BAZ1A: variants seen among roughly 807,000 people sequenced by gnomAD.
BAZ1A encodes the protein bromodomain adjacent to zinc finger domain protein 1A.
In BAZ1A, 50 loss-of-function variants were observed where a neutral mutation model predicts 185.2. The observed-to-expected ratio is 0.27, with a 90% confidence interval of 0.22 to 0.34. The LOEUF is 0.34. Ranked by LOEUF, BAZ1A falls within the 10% of genes least tolerant of loss-of-function variation. The probability of loss-of-function intolerance (pLI) is 1.00; values close to 1 mark genes in which losing one functional copy is unlikely to be tolerated. For synonymous variants in BAZ1A, 571 were observed against 615.6 expected (o/e 0.93, Z 1.07); for missense variants, 1,356 against 1,839.9 (o/e 0.74, Z 4.81).
intron 20 of BAZ1A, 73 bp downstream of exon 20, chr14:34,773,499 A>G: frequency 7.6e-7 from 1 of 1,309,102 alleles, no homozygotes; most frequent in Non-Finnish European, 1.0e-6. Context: ...ATTTACTTAA[A>G]AACCAAAAAA....
At chr14:34,783,368 C>G (rs1594833730) in intron 15 of BAZ1A, 136 bp from the exon 16 acceptor site, 3 of 369,564 alleles carry the variant, frequency 8.1e-6, no homozygotes, top group Admixed American at 5.4e-5. Context: ...CATTCATAAG[C>G]TTTTTTTTTT....
rs2043003487 is a variant in BAZ1A at position 34,874,250 on chromosome 14, G to A, written c.113+242C>T. On this transcript the variant is annotated intron_variant, in intron 2 of 26. Coordinates refer to ENST00000360310, the MANE Select transcript of BAZ1A (RefSeq NM_013448.3). The surrounding 1 kb of genome is among the most constrained non-coding windows in gnomAD (Gnocchi z 4.7). Reference sequence around the variant, plus strand: ...GCGGCTAGGAGCGGTCCCCGAGGCCGGCCAGGGACCCAGCCTCCTCCGCCA... The same window carrying A: ...GCGGCTAGGAGCGGTCCCCGAGGCCAGCCAGGGACCCAGCCTCCTCCGCCA... 7.3e-6 allele frequency: 3 copies of A among 410,884 alleles called. No homozygotes were observed. The highest frequency in any genetic ancestry group is 1.3e-5 in the Non-Finnish European group (3 of 228,808). 25.5% of individuals were successfully genotyped at this position (410,884 alleles called of 1,614,324 possible).
At chr14:34,826,893 G>A (rs1479751935) in intron 3 of BAZ1A, among the ~76,000 whole-genome samples, 1 of 152,124 alleles carries the variant, frequency 6.6e-6, no homozygotes, top group Non-Finnish European at 1.5e-5. Context: ...ATGGGAGCAG[G>A]CACCATCCAA....
chr14:34,776,080 C>T lies in BAZ1A; in HGVS notation c.2672G>A (p.Arg891Gln), dbSNP rs1349411077. The change falls in exon 18 of 27, where the codon CGG (arginine) becomes CAG (glutamine). Residue 891 changes from arginine (R) to glutamine (Q), a missense_variant. Arg to Gln is a conservative substitution (Grantham distance 43). Coordinates refer to ENST00000360310, the MANE Select transcript of BAZ1A (RefSeq NM_013448.3). ...QLPKPVHKPN[R>Q]WCFYSSCEQL... Reference sequence around the variant, plus strand: ...TTCACAAGAACTGTAAAAGCACCACCGATTTGGCTTATGCACTGGTTTTGG... The same window carrying T: ...TTCACAAGAACTGTAAAAGCACCACTGATTTGGCTTATGCACTGGTTTTGG... 3 of 1,614,042 alleles carry T rather than the reference C, an allele frequency of 1.9e-6. No homozygotes were observed. Among genetic ancestry groups the T allele is most frequent in the Middle Eastern group, 1.6e-4 (1 of 6,084 alleles).
intron 5 of BAZ1A, among the ~76,000 whole-genome samples, chr14:34,809,696 A>G (rs1431556310): frequency 6.6e-6 from 1 of 152,314 alleles, no homozygotes; most frequent in South Asian, 2.1e-4. Flanking sequence ...AAATGAGCTA[A>G]CCAAGGCTGT....
At chr14:34,846,124 A>G (rs2042508829) in intron 3 of BAZ1A, among the ~76,000 whole-genome samples, 1 of 152,138 alleles carries the variant, frequency 6.6e-6, no homozygotes, top group Non-Finnish European at 1.5e-5. Flanking sequence ...AGAACTTCAG[A>G]ACCATTACTA....
At chr14:34,839,147 A>G (rs2042373362) in intron 3 of BAZ1A, among the ~76,000 whole-genome samples, 1 of 152,210 alleles carries the variant, frequency 6.6e-6, no homozygotes, top group Non-Finnish European at 1.5e-5. Flanking sequence ...GTCAAAGGCT[A>G]GAAGGTGAAG....
At chr14:34,787,869 A>G (rs1345741185) in intron 12 of BAZ1A, among the ~76,000 whole-genome samples, 1 of 152,240 alleles carries the variant, frequency 6.6e-6, no homozygotes, top group Admixed American at 6.5e-5. Flanking sequence ...TAGATTGATC[A>G]AAATGTCAAG....
At position 34,874,741 on chromosome 14, in the gene BAZ1A, A is replaced by C; in HGVS notation, c.-58-79T>G. The C allele has an allele frequency of 1.6e-6, 1 of 627,396 alleles. No homozygotes were observed. Among genetic ancestry groups the C allele is most frequent in the Non-Finnish European group, 2.6e-6 (1 of 381,190 alleles). 38.9% of individuals were successfully genotyped at this position (627,396 alleles called of 1,614,324 possible). A position where few individuals can be genotyped will look rare whatever the true frequency, so the allele number is the denominator to read the frequency against. On this transcript the variant is annotated intron_variant, in intron 1 of 26. Transcript: ENST00000360310. This position sits in a 1 kb window ranked among gnomAD's most constrained non-coding sequence, Gnocchi z 4.7. ...AGCGTGGGCCGGTCCGCGCGCTGGGAGAAGCTCGGCTGCCTTTTGTGTGAC... is the reference window on the plus strand; with the variant it reads ...AGCGTGGGCCGGTCCGCGCGCTGGGCGAAGCTCGGCTGCCTTTTGTGTGAC...
intron 10 of BAZ1A, 79 bp from the exon 11 acceptor site, chr14:34,794,966 CCTAA>C (rs2138640164): frequency 2.0e-6 from 3 of 1,536,362 alleles, no homozygotes; most frequent in East Asian, 2.3e-5. Context: ...ATACTTTTTA[CCTAA>C]CTATTAAGAA....
chr14:34,757,361 ATC>A (rs1341538818), intron 25 of BAZ1A, among the ~76,000 whole-genome samples: 1 of 72,198 alleles, frequency 1.4e-5, no homozygotes, highest in East Asian at 6.4e-4. Context: ...GCAAGACTCC[ATC>A]TCAAAAAAAA....
chr14:34,796,995 A>G (rs903954087), intron 9 of BAZ1A, among the ~76,000 whole-genome samples: 1 of 152,210 alleles, frequency 6.6e-6, no homozygotes, highest in African/African-American at 2.4e-5. Flanking sequence ...TTAATCTTTG[A>G]TTTATTCTAC....
chr14:34,763,629 A>C (rs1461767484), intron 23 of BAZ1A, among the ~76,000 whole-genome samples: 1 of 152,128 alleles, frequency 6.6e-6, no homozygotes, highest in Non-Finnish European at 1.5e-5. Flanking sequence ...TTTTTAAACA[A>C]ACTGAAGGTT....
intron 11 of BAZ1A, among the ~76,000 whole-genome samples, chr14:34,794,284 A>G (rs528383370): frequency 6.6e-6 from 1 of 152,198 alleles, no homozygotes; most frequent in African/African-American, 2.4e-5. Flanking sequence ...ATACAAAGTA[A>G]AAGTATATAA....
chr14:34,844,577 G>A (rs903995210), intron 3 of BAZ1A, among the ~76,000 whole-genome samples: 1 of 151,192 alleles, frequency 6.6e-6, no homozygotes, highest in African/African-American at 2.4e-5. Context: ...AGGAGTTTGA[G>A]ACCAGCCTGG....
chr14:34,818,949 G>A (rs900409426), intron 4 of BAZ1A, among the ~76,000 whole-genome samples: 1 of 151,844 alleles, frequency 6.6e-6, no homozygotes, highest in Non-Finnish European at 1.5e-5. Flanking sequence ...AGACCATCCT[G>A]GCTAATCCGG....
chr14:34,778,197 T>G (rs1879784262), intron 17 of BAZ1A, among the ~76,000 whole-genome samples: 1 of 152,200 alleles, frequency 6.6e-6, no homozygotes, highest in Non-Finnish European at 1.5e-5. Context: ...GTGTGTACCC[T>G]CTGGACTGTG....
chr14:34,861,180 G>A (rs1348091142), intron 3 of BAZ1A, among the ~76,000 whole-genome samples: 1 of 152,068 alleles, frequency 6.6e-6, no homozygotes, highest in African/African-American at 2.4e-5. Context: ...TGGGGGCAGG[G>A]CATCCAAAAA....
intron 7 of BAZ1A, among the ~76,000 whole-genome samples, chr14:34,801,922 G>A (rs1441973230): frequency 4.6e-4 from 54 of 116,426 alleles, no homozygotes; most frequent in Non-Finnish European, 7.7e-4. Context: ...AAAAAAAAAA[G>A]TGTTACTGAA....
Sources: allele counts gnomAD v4.1 joint callset (sites outside exome capture counted in the v4.1 genomes callset), GRCh38; gene constraint gnomAD v4.1.1; non-coding constraint Gnocchi (gnomAD v3.1); transcripts MANE v1.5; gene names NCBI Gene and HGNC (gene_info 2026-07-23, HGNC 2026-07-21).